SATB2: variants seen among roughly 807,000 people sequenced by gnomAD.
SATB2 encodes SATB homeobox 2.
SATB2 carries 1 observed loss-of-function variant against 73.4 expected under a neutral mutation model. The ratio of observed to expected loss-of-function variants is 0.01; its 90% CI spans 0.00 to 0.06. SATB2 has a LOEUF of 0.06. Among genes scored for constraint, SATB2 ranks in the 10% least tolerant of loss-of-function variants. The pLI, the probability that SATB2 is intolerant of heterozygous loss-of-function variation, is 1.00. For missense variants in SATB2, 459 were observed against 945.8 expected, an observed-to-expected ratio of 0.49 and a Z score of 6.75; for synonymous variants, 397 against 367.0, an observed-to-expected ratio of 1.08 and a Z score of -0.93.
intron 3 of SATB2, among the ~76,000 whole-genome samples, chr2:199,395,604 C>T (rs1038485474): frequency 2.0e-5 from 3 of 152,056 alleles, no homozygotes; most frequent in African/African-American, 7.2e-5. Context: ...AATATTGAAA[C>T]ATGATGTTCT....
intron 6 of SATB2, among the ~76,000 whole-genome samples, chr2:199,353,875 A>G (rs1004007477): frequency 3.3e-5 from 5 of 152,234 alleles, no homozygotes; most frequent in African/African-American, 1.2e-4. Context: ...AAACTAAACC[A>G]AGACCAAAGA....
intron 3 of SATB2, among the ~76,000 whole-genome samples, chr2:199,401,939 G>T (rs1222642176): frequency 6.6e-6 from 1 of 152,128 alleles, no homozygotes; most frequent in East Asian, 1.9e-4. Context: ...TAGGTTACTG[G>T]GGGAGGCTGC....
chr2:199,300,229 A>T (rs1687241378), intron 10 of SATB2, among the ~76,000 whole-genome samples: 1 of 151,926 alleles, frequency 6.6e-6, no homozygotes, highest in African/African-American at 2.4e-5. Context: ...GGGAAGGAGA[A>T]GGGGATAAAT....
At chr2:199,318,692 C>T (rs967931394) in intron 9 of SATB2, among the ~76,000 whole-genome samples, 3 of 151,778 alleles carry the variant, frequency 2.0e-5, no homozygotes, top group Admixed American at 1.3e-4. Flanking sequence ...AAATTACTTA[C>T]GTAATCACAA....
At chr2:199,364,075 G>A (rs1689216906) in intron 6 of SATB2, among the ~76,000 whole-genome samples, 1 of 152,110 alleles carries the variant, frequency 6.6e-6, no homozygotes, top group South Asian at 2.1e-4. Context: ...GCTAAGCAAG[G>A]GCTGCCTTAT....
Position 199,389,054 on chromosome 2 carries a change from T to C in SATB2, c.347-7234A>G, listed in dbSNP as rs549255371. On this transcript the variant is annotated intron_variant, in intron 3 of 10. Coordinates refer to ENST00000417098, the MANE Select transcript of SATB2 (RefSeq NM_001172509.2). ...CACAGGAAATCACTACCCAGCAGTA[T>C]ATAATAATTCAGCCTGTGTTTCTAA... is the stretch of plus-strand genomic sequence containing the variant. 5.3e-4 allele frequency among the ~76,000 whole-genome samples: 81 copies of C among 152,310 alleles called. 1 individual carries two copies. Among genetic ancestry groups the C allele is most frequent in the African/African-American group, 1.9e-3 (79 of 41,586 alleles).
Position 199,456,068 on chromosome 2 carries a change from C to T in SATB2, c.-31G>A. 7.9e-7 allele frequency: 1 copy of T among 1,268,676 alleles called. No homozygotes were observed. Among genetic ancestry groups the T allele is most frequent in the Non-Finnish European group, 1.0e-6 (1 of 984,658 alleles). 78.6% of individuals were successfully genotyped at this position (1,268,676 alleles called of 1,614,324 possible). On this transcript the variant is annotated 5_prime_UTR_variant, in exon 2 of 11. Transcript: ENST00000417098. ...TCCGACTCGGAGACAAAGTTCCCAC[C>T]GGCAGGTCGCAATAAAACGCACAGG...
chr2:199,337,122 A>G (rs914492443), intron 7 of SATB2, among the ~76,000 whole-genome samples: 1 of 152,208 alleles, frequency 6.6e-6, no homozygotes, highest in African/African-American at 2.4e-5. Flanking sequence ...CACTCTAGTT[A>G]TATTTTGCTA....
At chr2:199,419,102 C>T (rs1354629336) in intron 3 of SATB2, among the ~76,000 whole-genome samples, 4 of 152,132 alleles carry the variant, frequency 2.6e-5, no homozygotes, top group Non-Finnish European at 5.9e-5. Flanking sequence ...ATTTTGGTTC[C>T]ACACATTTCA....
At chr2:199,289,154 G>T (rs369941697) in intron 10 of SATB2, among the ~76,000 whole-genome samples, 10 of 152,266 alleles carry the variant, frequency 6.6e-5, no homozygotes, top group East Asian at 5.8e-4. Flanking sequence ...TTCATTATGG[G>T]AATATTGGTT....
chr2:199,368,189 G>A (rs1486904320), intron 6 of SATB2, among the ~76,000 whole-genome samples: 3 of 152,016 alleles, frequency 2.0e-5, no homozygotes, highest in Non-Finnish European at 4.4e-5. Flanking sequence ...CAGAGCCCGT[G>A]TTTTCACCAC....
chr2:199,350,813 A>C (rs540026036), intron 6 of SATB2, among the ~76,000 whole-genome samples: 36 of 152,138 alleles, frequency 2.4e-4, no homozygotes, highest in African/African-American at 8.4e-4. Flanking sequence ...ACCTGAGGTC[A>C]GGAGTTTGAT....
chr2:199,340,696 T>A (rs1688480094), intron 7 of SATB2, among the ~76,000 whole-genome samples: 1 of 152,218 alleles, frequency 6.6e-6, no homozygotes. Context: ...GGATGTTTCC[T>A]GAACTCTGCT....
chr2:199,274,588 T>C (rs1443594271), intron 10 of SATB2, among the ~76,000 whole-genome samples: 1 of 152,198 alleles, frequency 6.6e-6, no homozygotes, highest in Non-Finnish European at 1.5e-5. Flanking sequence ...AATAAGACTA[T>C]CTGCTATAAT....
intron 7 of SATB2, among the ~76,000 whole-genome samples, chr2:199,344,321 T>A (rs1247436915): frequency 1.3e-5 from 2 of 152,040 alleles, no homozygotes; most frequent in Non-Finnish European, 2.9e-5. Context: ...TCCTTCCAAT[T>A]TTTATTTTGC....
intron 6 of SATB2, among the ~76,000 whole-genome samples, chr2:199,354,037 A>T (rs1427427889): frequency 1.3e-5 from 2 of 152,184 alleles, no homozygotes; most frequent in African/African-American, 4.8e-5. Context: ...TAAAGGCAAC[A>T]CGCTTACTTA....
intron 5 of SATB2, among the ~76,000 whole-genome samples, chr2:199,370,741 C>A (rs1215473420): frequency 6.6e-6 from 1 of 152,100 alleles, no homozygotes; most frequent in Non-Finnish European, 1.5e-5. Flanking sequence ...TGACCCTGCA[C>A]AAGGCAGAGT....
chr2:199,290,666 G>A lies in SATB2; in HGVS notation c.1741-17994C>T, dbSNP rs557112355. On this transcript the variant is annotated intron_variant, in intron 10 of 10. Transcript: ENST00000417098. ...AATAAATACCATACTGACTCACACAGTTCTTTAATTCCCAAAAAAATCTGA... is the reference window on the plus strand; with the variant it reads ...AATAAATACCATACTGACTCACACAATTCTTTAATTCCCAAAAAAATCTGA... Among the ~76,000 whole-genome samples the A allele has an allele frequency of 3.9e-5, 6 of 152,234 alleles. No individual in the cohort carries two copies. The South Asian group carries it at 1.2e-3, about 32-fold the overall frequency.
At chr2:199,374,483 G>A (rs1471383060) in intron 5 of SATB2, among the ~76,000 whole-genome samples, 2 of 152,096 alleles carry the variant, frequency 1.3e-5, no homozygotes, top group Non-Finnish European at 2.9e-5. Context: ...AAAGAGACAG[G>A]GGTGATGGTT....
Sources: allele counts gnomAD v4.1 joint callset (sites outside exome capture counted in the v4.1 genomes callset), GRCh38; gene constraint gnomAD v4.1.1; transcripts MANE v1.5; gene names NCBI Gene and HGNC (gene_info 2026-07-23, HGNC 2026-07-21).